Variants in DOCK9 observed in about 807,000 individuals in gnomAD.
DOCK9 encodes the protein dedicator of cytokinesis protein 9.
DOCK9 carries 89 observed loss-of-function variants against 263.3 expected under a neutral mutation model. The observed-to-expected ratio is 0.34, with a 90% CI of 0.28 to 0.40. DOCK9 has a LOEUF of 0.40. Ranked by LOEUF, DOCK9 falls within the 10% of genes least tolerant of loss-of-function variation. The pLI, the probability that DOCK9 is intolerant of heterozygous loss-of-function variation, is 1.00. For synonymous variants in DOCK9, 976 were observed against 973.1 expected, an observed-to-expected ratio of 1.00 and a Z score of -0.06; for missense variants, 2,140 against 2,603.4, an observed-to-expected ratio of 0.82 and a Z score of 3.87.
At chr13:99,065,104 T>C (rs1028917995) in intron 1 of DOCK9, among the ~76,000 whole-genome samples, 1 of 152,168 alleles carries the variant, frequency 6.6e-6, no homozygotes, top group African/African-American at 2.4e-5. Flanking sequence ...AGTTAATGCC[T>C]CTTGCTTCTT....
chr13:99,002,398 T>C (rs1034651802), intron 1 of DOCK9, among the ~76,000 whole-genome samples: 4 of 152,142 alleles, frequency 2.6e-5, no homozygotes, highest in African/African-American at 7.2e-5. Context: ...CTTCTCAGGC[T>C]TCCTTGAGCA....
intron 1 of DOCK9, among the ~76,000 whole-genome samples, chr13:99,013,571 G>T (rs958778940): frequency 6.6e-6 from 1 of 152,190 alleles, no homozygotes; most frequent in Non-Finnish European, 1.5e-5. Context: ...GGGCATTTTA[G>T]GGTTAAGCAG....
intron 45 of DOCK9, among the ~76,000 whole-genome samples, chr13:98,817,384 T>G (rs2091939373): frequency 6.6e-6 from 1 of 151,646 alleles, no homozygotes; most frequent in African/African-American, 2.4e-5. Context: ...TAAACCTTTT[T>G]TCTTTATAAA....
chr13:98,844,209 G>A (rs759066764), intron 38 of DOCK9, among the ~76,000 whole-genome samples: 116 of 152,284 alleles, frequency 7.6e-4, no homozygotes, highest in Non-Finnish European at 1.1e-3. Flanking sequence ...ATCAAGTACT[G>A]TAGCCTTAAA....
At chr13:98,905,546 G>A (rs2139594067) in intron 9 of DOCK9, among the ~76,000 whole-genome samples, 1 of 151,970 alleles carries the variant, frequency 6.6e-6, no homozygotes, top group Admixed American at 6.5e-5. Context: ...TCACACCTGA[G>A]CAATGACCAA....
intron 45 of DOCK9, among the ~76,000 whole-genome samples, chr13:98,816,358 G>C (rs1188483328): frequency 6.6e-6 from 1 of 152,146 alleles, no homozygotes; most frequent in Non-Finnish European, 1.5e-5. Context: ...ACGGAGGACA[G>C]AGGAAGACCC....
At chr13:98,800,077 A>G (rs2089927499) in intron 50 of DOCK9, among the ~76,000 whole-genome samples, 1 of 152,068 alleles carries the variant, frequency 6.6e-6, no homozygotes, top group African/African-American at 2.4e-5. Context: ...TCTTGTCCCC[A>G]CAGTCAGTCC....
At chr13:98,945,711 CTT>C (rs1230148249) in intron 2 of DOCK9, among the ~76,000 whole-genome samples, 1 of 152,224 alleles carries the variant, frequency 6.6e-6, no homozygotes, top group African/African-American at 2.4e-5. Context: ...AGACCCCCCT[CTT>C]GGTTGATAAT....
intron 47 of DOCK9, 110 bp downstream of exon 47, chr13:98,809,241 AG>A: frequency 2.4e-6 from 3 of 1,233,752 alleles, no homozygotes; most frequent in Non-Finnish European, 3.4e-6. Flanking sequence ...TAGCAATTAC[AG>A]AAAACAGAGA....
At chr13:99,051,478 A>G (rs1444262793) in intron 1 of DOCK9, among the ~76,000 whole-genome samples, 1 of 152,146 alleles carries the variant, frequency 6.6e-6, no homozygotes, top group Non-Finnish European at 1.5e-5. Flanking sequence ...CAATGGAAAC[A>G]TGAGGTCTGC....
chr13:98,994,116 A>C (rs568167077), intron 1 of DOCK9, among the ~76,000 whole-genome samples: 25 of 152,324 alleles, frequency 1.6e-4, no homozygotes, highest in Admixed American at 1.4e-3. Context: ...TAATCAATGG[A>C]CTAGACTTTA....
intron 30 of DOCK9, among the ~76,000 whole-genome samples, chr13:98,864,048 T>C (rs1367270237): frequency 1.3e-5 from 2 of 152,232 alleles, no homozygotes; most frequent in African/African-American, 4.8e-5. Flanking sequence ...TTAATGTCTA[T>C]ATACTCCATT....
chr13:98,802,206 G>A (rs1338318537), intron 49 of DOCK9, among the ~76,000 whole-genome samples: 3 of 152,316 alleles, frequency 2.0e-5, no homozygotes, highest in Non-Finnish European at 2.9e-5. Flanking sequence ...GTTCTACCAC[G>A]GTTATATTTA....
chr13:99,078,690 G>A (rs2042008249), intron 1 of DOCK9, among the ~76,000 whole-genome samples: 1 of 152,226 alleles, frequency 6.6e-6, no homozygotes, highest in Non-Finnish European at 1.5e-5. Context: ...CACTTGCTAA[G>A]TTCTGAGCAA....
At chr13:98,843,965 T>C (rs2093308527) in intron 38 of DOCK9, among the ~76,000 whole-genome samples, 1 of 152,232 alleles carries the variant, frequency 6.6e-6, no homozygotes, top group Non-Finnish European at 1.5e-5. Context: ...GGTGTACTTA[T>C]GATTTTTTAA....
intron 9 of DOCK9, among the ~76,000 whole-genome samples, chr13:98,910,738 C>G (rs1307171089): frequency 2.0e-5 from 3 of 152,140 alleles, no homozygotes; most frequent in Non-Finnish European, 4.4e-5. Flanking sequence ...CTAGGCCCTT[C>G]TTTGTAATCT....
At chr13:98,865,816 G>A (rs2094004245) in intron 30 of DOCK9, among the ~76,000 whole-genome samples, 1 of 152,152 alleles carries the variant, frequency 6.6e-6, no homozygotes, top group Non-Finnish European at 1.5e-5. Context: ...AGAGAGTGAG[G>A]AGACCCTGGG....
intron 2 of DOCK9, among the ~76,000 whole-genome samples, chr13:98,940,788 C>A (rs1413917435): frequency 6.6e-6 from 1 of 152,086 alleles, no homozygotes; most frequent in Non-Finnish European, 1.5e-5. Context: ...TGTCAAAGTA[C>A]CCACAGCGAT....
chr13:98,992,729 G>A (rs1304493176), intron 1 of DOCK9, among the ~76,000 whole-genome samples: 1 of 152,144 alleles, frequency 6.6e-6, no homozygotes, highest in African/African-American at 2.4e-5. Flanking sequence ...GTGGAACTGT[G>A]AGTCCATTAA....
Sources: gnomAD v4.1 joint callset for allele counts (sites outside exome capture counted in the v4.1 genomes callset) on GRCh38, gnomAD v4.1.1 for gene constraint, MANE v1.5 for transcripts, NCBI Gene and HGNC (gene_info 2026-07-23, HGNC 2026-07-21) for gene names.